PLEKHF2: variants seen among roughly 807,000 people sequenced by gnomAD.
PLEKHF2 encodes pleckstrin homology domain-containing family F member 2.
PLEKHF2 carries 4 observed loss-of-function variants against 14.7 expected under a neutral mutation model. The ratio of observed to expected loss-of-function variants is 0.27; its 90% CI spans 0.13 to 0.62. The LOEUF is 0.62. Among genes scored for constraint, PLEKHF2 ranks in the 20% least tolerant of loss-of-function variants. PLEKHF2 has a pLI of 0.85. For missense variants in PLEKHF2, 201 were observed against 307.7 expected, an observed-to-expected ratio of 0.65 and a Z score of 2.60; for synonymous variants, 90 against 103.5, an observed-to-expected ratio of 0.87 and a Z score of 0.79.
At position 95,154,433 on chromosome 8, in the gene PLEKHF2, T is replaced by C. The variant is rs1220376556; in HGVS notation, c.389T>C (p.Val130Ala). The change falls in exon 2 of 2, where the codon GTT (valine) becomes GCT (alanine). Residue 130 changes from valine (V) to alanine (A), a missense_variant. By Grantham distance (64) the Val-to-Ala change is moderately conservative (BLOSUM62 0). Transcript: ENST00000315367. The surrounding 1 kb of genome is among the most constrained non-coding windows in gnomAD (Gnocchi z 5.6). ...TGGATGAATCATATAAATAAATGTG[T>C]TACTGATTTACTCTCCAAAAGTGGG... ...SEWMNHINKC[V>A]TDLLSKSGKT... The C allele has an allele frequency of 1.2e-6, 2 of 1,613,950 alleles. No homozygotes were observed. Among genetic ancestry groups the C allele is most frequent in the African/African-American group, 2.7e-5 (2 of 74,900 alleles).
chr8:95,138,720 A>G (rs1000352980), intron 1 of PLEKHF2, among the ~76,000 whole-genome samples: 2 of 152,190 alleles, frequency 1.3e-5, no homozygotes, highest in Non-Finnish European at 2.9e-5. Flanking sequence ...ACTTTTATTT[A>G]ATAAAATGCT....
At chr8:95,148,072 A>G (rs1563883460) in intron 1 of PLEKHF2, among the ~76,000 whole-genome samples, 1 of 151,988 alleles carries the variant, frequency 6.6e-6, no homozygotes, top group Admixed American at 6.6e-5. Flanking sequence ...AATGGAAATA[A>G]TACACGTTCA....
At chr8:95,139,400 A>G (rs914627465) in intron 1 of PLEKHF2, among the ~76,000 whole-genome samples, 4 of 152,152 alleles carry the variant, frequency 2.6e-5, no homozygotes, top group Admixed American at 2.6e-4. Flanking sequence ...CCAACTACTC[A>G]GGAGGCTGAG....
chr8:95,155,954 A>G lies in PLEKHF2; in HGVS notation c.*1160A>G, dbSNP rs571919586. 7 of 167,186 alleles carry G rather than the reference A, an allele frequency of 4.2e-5. No individual in the cohort carries two copies. In the South Asian group the frequency reaches 8.3e-4, roughly 20 times the overall value. 10.4% of individuals were successfully genotyped at this position (167,186 alleles called of 1,614,324 possible). The stretch of plus-strand genomic sequence containing the variant: ...ACAATATTTCTATTTTTGTAAAACA[A>G]TTGTATGTATAATCTGTATTTGAAA... On this transcript the variant is annotated 3_prime_UTR_variant, in exon 2 of 2. Transcript: ENST00000315367.
At chr8:95,138,453 T>A (rs1276937342) in intron 1 of PLEKHF2, among the ~76,000 whole-genome samples, 1 of 150,896 alleles carries the variant, frequency 6.6e-6, no homozygotes, top group Non-Finnish European at 1.5e-5. Flanking sequence ...ATTTTTGTGT[T>A]CTTTGCTCAC....
intron 1 of PLEKHF2, among the ~76,000 whole-genome samples, chr8:95,150,286 T>C (rs1810541619): frequency 6.6e-6 from 1 of 152,078 alleles, no homozygotes; most frequent in African/African-American, 2.4e-5. Context: ...ACAGAAAATA[T>C]TCAGGACCAA....
At position 95,155,168 on chromosome 8, in the gene PLEKHF2, G is replaced by T; in HGVS notation, c.*374G>T. ...AATGGTGGGAAAGGGGCTATAATGT[G>T]GTTCATTAATAATGTTAGCAGCTTT... is the stretch of plus-strand genomic sequence containing the variant. On this transcript the variant is annotated 3_prime_UTR_variant, in exon 2 of 2. Coordinates refer to ENST00000315367, the MANE Select transcript of PLEKHF2 (RefSeq NM_024613.4). 5.0e-6 allele frequency: 1 copy of T among 198,302 alleles called. No homozygotes were observed. The allele number at this position is 198,302 out of a possible 1,614,324, so 12.3% of individuals were successfully genotyped here. A position where few individuals can be genotyped will look rare whatever the true frequency, so the allele number is the denominator to read the frequency against.
At chr8:95,139,479 C>T (rs569275193) in intron 1 of PLEKHF2, among the ~76,000 whole-genome samples, 7 of 152,242 alleles carry the variant, frequency 4.6e-5, no homozygotes, top group East Asian at 3.9e-4. Context: ...TGCACTCCAG[C>T]CTGGGTGACA....
At chr8:95,138,233 G>T (rs1810398481) in intron 1 of PLEKHF2, among the ~76,000 whole-genome samples, 1 of 151,698 alleles carries the variant, frequency 6.6e-6, no homozygotes, top group African/African-American at 2.4e-5. Context: ...TTTCACTCCA[G>T]TCAGGTTGCT....
At chr8:95,145,646 G>T (rs113123294) in intron 1 of PLEKHF2, among the ~76,000 whole-genome samples, 1,887 of 152,100 alleles carry the variant, frequency 0.012, 20 homozygotes, top group Non-Finnish European at 0.02. Flanking sequence ...GGATGGTCTC[G>T]ATCTCCTGAC....
At position 95,156,521 on chromosome 8, in the gene PLEKHF2, AAC is replaced by A. The variant is rs1239776806; in HGVS notation, c.*1729_*1730del. 1.2e-5 allele frequency: 2 copies of A among 167,060 alleles called. No individual in the cohort carries two copies. Among genetic ancestry groups the A allele is most frequent in the Non-Finnish European group, 2.9e-5 (2 of 68,104 alleles). The allele number at this position is 167,060 out of a possible 1,614,324, so 10.3% of individuals were successfully genotyped here. A position where few individuals can be genotyped will look rare whatever the true frequency, so the allele number is the denominator to read the frequency against. Reference sequence around the variant, plus strand: ...AAGCAATATATACATAAAATCAACCAACATATCTGAAAAGGATCATGAAACCT... The same window carrying A: ...AAGCAATATATACATAAAATCAACCAATATCTGAAAAGGATCATGAAACCT... On this transcript the variant is annotated 3_prime_UTR_variant, in exon 2 of 2. Coordinates refer to ENST00000315367, the MANE Select transcript of PLEKHF2 (RefSeq NM_024613.4).
chr8:95,134,030 G>A lies in PLEKHF2; in HGVS notation c.-15G>A, dbSNP rs1810347978. 6.6e-6 allele frequency: 1 copy of A among 152,190 alleles called. No homozygotes were observed. The highest frequency in any genetic ancestry group is 1.5e-5 in the Non-Finnish European group (1 of 68,222). 9.4% of individuals were successfully genotyped at this position (152,190 alleles called of 1,614,324 possible). ...CGCCGCCGCCGCCCGCGGCCGTCGG[G>A]GTAGGTGAAGCCCGGGTGGGTGGTC... is the stretch of plus-strand genomic sequence containing the variant. On this transcript the variant is annotated splice_region_variant and 5_prime_UTR_variant, in exon 1 of 2. Coordinates refer to ENST00000315367, the MANE Select transcript of PLEKHF2 (RefSeq NM_024613.4).
intron 1 of PLEKHF2, among the ~76,000 whole-genome samples, chr8:95,142,617 C>T (rs1478864128): frequency 6.6e-6 from 1 of 152,086 alleles, no homozygotes; most frequent in Admixed American, 6.5e-5. Context: ...TGCCCCTGTA[C>T]AAATACTTTT....
chr8:95,141,514 G>A (rs1191615929), intron 1 of PLEKHF2, among the ~76,000 whole-genome samples: 1 of 152,018 alleles, frequency 6.6e-6, no homozygotes, highest in Admixed American at 6.6e-5. Context: ...CTCTGCTGCA[G>A]CTGTACAGTG....
intron 1 of PLEKHF2, among the ~76,000 whole-genome samples, chr8:95,145,065 C>CT (rs1466049092): frequency 2.0e-5 from 3 of 151,922 alleles, no homozygotes; most frequent in Non-Finnish European, 2.9e-5. Flanking sequence ...TGTTAACTTC[C>CT]TTTTTTTCTT....
chr8:95,146,895 A>C (rs1810506070), intron 1 of PLEKHF2, among the ~76,000 whole-genome samples: 1 of 152,138 alleles, frequency 6.6e-6, no homozygotes, highest in Non-Finnish European at 1.5e-5. Context: ...AAGTATCAAT[A>C]GTTTTCCTAT....
At chr8:95,140,281 A>G (rs541485861) in intron 1 of PLEKHF2, among the ~76,000 whole-genome samples, 2 of 152,190 alleles carry the variant, frequency 1.3e-5, no homozygotes, top group Non-Finnish European at 1.5e-5. Context: ...CCTATCTGCT[A>G]TGCCTCAGTT....
At chr8:95,146,812 A>G (rs1480835066) in intron 1 of PLEKHF2, among the ~76,000 whole-genome samples, 2 of 144,438 alleles carry the variant, frequency 1.4e-5, no homozygotes, top group Admixed American at 6.8e-5. Flanking sequence ...AAGACAACGT[A>G]AAAAAAAAAA....
chr8:95,148,515 A>G (rs528851784), intron 1 of PLEKHF2, among the ~76,000 whole-genome samples: 38 of 152,236 alleles, frequency 2.5e-4, no homozygotes, highest in African/African-American at 8.9e-4. Flanking sequence ...TTAATGGATT[A>G]AAGCAGATAG....
Sources: gnomAD v4.1 joint callset for allele counts (sites outside exome capture counted in the v4.1 genomes callset) on GRCh38, gnomAD v4.1.1 for gene constraint, Gnocchi (gnomAD v3.1) non-coding constraint, MANE v1.5 for transcripts, NCBI Gene and HGNC (gene_info 2026-07-23, HGNC 2026-07-21) for gene names.